Variants in C1QTNF2 observed in about 807,000 individuals in gnomAD.
C1QTNF2 encodes C1q and TNF related 2.
In C1QTNF2, 15 loss-of-function variants were observed where a neutral mutation model predicts 17.4. That is an observed-to-expected ratio of 0.86 (90% CI 0.58 to 1.33). The LOEUF (loss-of-function observed/expected upper bound fraction) is 1.33, where lower values mean the gene tolerates loss of function less well. C1QTNF2 is among the 40% of genes most tolerant of loss of function. C1QTNF2 has a pLI of 0.00. For missense variants in C1QTNF2, 381 were observed against 392.3 expected (o/e 0.97, Z 0.24); for synonymous variants, 154 against 163.3 (o/e 0.94, Z 0.44).
chr5:160,355,377 C>G (rs1764029256), intron 1 of C1QTNF2: 1 of 375,122 alleles, frequency 2.7e-6, no homozygotes, highest in Non-Finnish European at 3.7e-6. Flanking sequence ...ATGGTTTCAT[C>G]CAAATCTGTG....
rs368242017 is a variant in C1QTNF2, at chr5:160,350,628, C to T, written c.245-847G>A. Among the ~76,000 whole-genome samples the T allele has an allele frequency of 6.6e-5, 10 of 152,148 alleles. No individual in the cohort carries two copies. In the South Asian group the frequency reaches 2.1e-3, roughly 32 times the overall value. ...GAGGTGACAGGATCCCTTGAGCCCA[C>T]GAGTTCCAGGTTACAGTGAGCTATG... On this transcript the variant is annotated intron_variant, in intron 2 of 2. Transcript: ENST00000652664.
At chr5:160,360,980 G>C (rs1478717877) in intron 1 of C1QTNF2, among the ~76,000 whole-genome samples, 1 of 151,986 alleles carries the variant, frequency 6.6e-6, no homozygotes, top group African/African-American at 2.4e-5. Context: ...ATTTTTAGTA[G>C]AGACGGGGTT....
chr5:160,369,057 G>C (rs1764299709), intron 1 of C1QTNF2, among the ~76,000 whole-genome samples: 3 of 48,938 alleles, frequency 6.1e-5, no homozygotes, highest in African/African-American at 3.2e-4. Flanking sequence ...TTCTCTTTGA[G>C]TTTAAAAAAA....
At chr5:160,360,018 C>T (rs1764123728) in intron 1 of C1QTNF2, among the ~76,000 whole-genome samples, 1 of 152,080 alleles carries the variant, frequency 6.6e-6, no homozygotes, top group South Asian at 2.1e-4. Context: ...CCAGTAACCT[C>T]ACGGCTCCAC....
chr5:160,349,066 C>A lies in C1QTNF2; in HGVS notation c.*102G>T, dbSNP rs1342603294. On this transcript the variant is annotated 3_prime_UTR_variant, in exon 3 of 3. Transcript: ENST00000652664. The surrounding 1 kb of genome is among the most constrained non-coding windows in gnomAD (Gnocchi z 4.3). Reference sequence around the variant, plus strand: ...GAGGAGGTGAGCCTGAGGCTAGAACCGCTCACTCGACCCCCCACCCCCAGC... The same window carrying A: ...GAGGAGGTGAGCCTGAGGCTAGAACAGCTCACTCGACCCCCCACCCCCAGC... 11 of 1,424,992 alleles carry A rather than the reference C, an allele frequency of 7.7e-6. No homozygotes were observed. Among genetic ancestry groups the A allele is most frequent in the Non-Finnish European group, 1.0e-5 (11 of 1,056,178 alleles). 88.3% of individuals were successfully genotyped at this position (1,424,992 alleles called of 1,614,324 possible).
chr5:160,355,065 G>C (rs558515520), intron 1 of C1QTNF2, 45 bp from the exon 2 acceptor site: 1 of 1,489,454 alleles, frequency 6.7e-7, no homozygotes, highest in East Asian at 2.3e-5. Context: ...TGGCCACCAA[G>C]CTGACCTGGG....
intron 2 of C1QTNF2, among the ~76,000 whole-genome samples, chr5:160,352,913 T>C (rs1763952851): frequency 6.6e-6 from 1 of 152,256 alleles, no homozygotes; most frequent in Middle Eastern, 3.2e-3. Flanking sequence ...ATTTATTGTA[T>C]GTCTATGCTG....
chr5:160,353,317 G>C (rs1763961129), intron 2 of C1QTNF2, among the ~76,000 whole-genome samples: 2 of 152,214 alleles, frequency 1.3e-5, no homozygotes, highest in South Asian at 4.1e-4. Context: ...GTGCTTGGTT[G>C]CTGGGGTGAA....
At chr5:160,360,796 C>CT (rs5872641) in intron 1 of C1QTNF2, among the ~76,000 whole-genome samples, 281 of 136,470 alleles carry the variant, frequency 2.1e-3, no homozygotes, top group East Asian at 4.5e-3. Context: ...TGGATGAGTT[C>CT]TTTTTTTTTT....
chr5:160,361,217 C>A (rs1270520944), intron 1 of C1QTNF2, among the ~76,000 whole-genome samples: 1 of 152,208 alleles, frequency 6.6e-6, no homozygotes, highest in Non-Finnish European at 1.5e-5. Flanking sequence ...TAAAGTGCCA[C>A]AGGCTGGGTC....
chr5:160,354,597 A>AAAAAATATAT (rs769774870), intron 2 of C1QTNF2, among the ~76,000 whole-genome samples, 171 bp downstream of exon 2: 1 of 89,306 alleles, frequency 1.1e-5, no homozygotes, highest in East Asian at 3.8e-4. Context: ...AAAAAAAAAA[A>AAAAAATATAT]GTATATATAT....
In C1QTNF2 at chr5:160,354,984, C is replaced by A; in HGVS notation, c.28G>T (p.Ala10Ser). The part of the protein sequence containing the change: MIPWVLLAC[A>S]LPCAADPLLG... ...AGTGGGTCAGCAGCACAGGGGAGGG[C>A]ACAGGCCAGGAGCACCCAGGGGATC... The change falls in exon 2 of 3, where the codon GCC (alanine) becomes TCC (serine). Residue 10 changes from alanine (A) to serine (S), a missense_variant. Coordinates refer to ENST00000652664, the MANE Select transcript of C1QTNF2 (RefSeq NM_031908.6). 6.3e-7 allele frequency: 1 copy of A among 1,588,418 alleles called. No individual in the cohort carries two copies. The highest frequency in any genetic ancestry group is 8.6e-7 in the Non-Finnish European group (1 of 1,168,444).
At chr5:160,363,446 T>C (rs1764189553) in intron 1 of C1QTNF2, among the ~76,000 whole-genome samples, 1 of 152,224 alleles carries the variant, frequency 6.6e-6, no homozygotes. Flanking sequence ...ATATTTGATC[T>C]GCTATTTTCT....
At chr5:160,368,756 C>G (rs1764292753) in intron 1 of C1QTNF2, among the ~76,000 whole-genome samples, 1 of 151,980 alleles carries the variant, frequency 6.6e-6, no homozygotes, top group Non-Finnish European at 1.5e-5. Context: ...GAGAGACTGT[C>G]TGATCAGCAG....
intron 1 of C1QTNF2, among the ~76,000 whole-genome samples, chr5:160,365,507 T>A (rs1392433909): frequency 6.6e-6 from 1 of 151,630 alleles, no homozygotes; most frequent in Non-Finnish European, 1.5e-5. Flanking sequence ...AAGACAGGAG[T>A]TCGAGACCAG....
chr5:160,360,241 T>A (rs750285677), intron 1 of C1QTNF2, among the ~76,000 whole-genome samples: 6 of 152,212 alleles, frequency 3.9e-5, no homozygotes, highest in African/African-American at 9.6e-5. Flanking sequence ...GTAAGCTCCA[T>A]GAGTACAGGA....
intron 1 of C1QTNF2, among the ~76,000 whole-genome samples, chr5:160,368,423 T>C (rs1011328569): frequency 1.3e-5 from 2 of 149,064 alleles, no homozygotes; most frequent in African/African-American, 5.0e-5. Context: ...TCCCAGCTAC[T>C]GGGGAGGCTG....
intron 2 of C1QTNF2, among the ~76,000 whole-genome samples, 169 bp downstream of exon 2, chr5:160,354,599 T>TAAAAAAAAAAAAAAAA (rs1561822860): frequency 2.7e-4 from 1 of 3,638 alleles, no homozygotes; most frequent in African/African-American, 6.6e-4. Context: ...AAAAAAAAAG[T>TAAAAAAAAAAAAAAAA]ATATATATAT....
In C1QTNF2 at chr5:160,349,140, C is replaced by A; in HGVS notation, c.*28G>T. ...GTAAGCCCAAGTCCAGAAGCTTGTTCCCTGCCTGGAGGACCGCCGTGGCAT... is the reference window on the plus strand; with the variant it reads ...GTAAGCCCAAGTCCAGAAGCTTGTTACCTGCCTGGAGGACCGCCGTGGCAT... On this transcript the variant is annotated 3_prime_UTR_variant, in exon 3 of 3. Transcript: ENST00000652664. The surrounding 1 kb of genome is among the most constrained non-coding windows in gnomAD (Gnocchi z 4.3). 6.3e-7 allele frequency: 1 copy of A among 1,583,678 alleles called. No individual in the cohort carries two copies.
Sources: gnomAD v4.1 joint callset for allele counts (sites outside exome capture counted in the v4.1 genomes callset) on GRCh38, gnomAD v4.1.1 for gene constraint, Gnocchi (gnomAD v3.1) non-coding constraint, MANE v1.5 for transcripts, NCBI Gene and HGNC (gene_info 2026-07-23, HGNC 2026-07-21) for gene names.